The following EEF2K variants were observed in gnomAD, a reference collection of about 807,000 sequenced individuals.
The protein encoded by EEF2K is alternative protein EEF2K.
Under a neutral mutation model 93.8 loss-of-function variants are expected in EEF2K, and 70 were observed. The ratio of observed to expected loss-of-function variants is 0.75; its 90% CI spans 0.62 to 0.91. EEF2K has a LOEUF of 0.91. Among genes scored for constraint, EEF2K ranks in the 40% least tolerant of loss-of-function variants. The probability of loss-of-function intolerance (pLI) is 0.00; values close to 1 mark genes in which losing one functional copy is unlikely to be tolerated. For missense variants in EEF2K, 935 were observed against 972.9 expected, an observed-to-expected ratio of 0.96 and a Z score of 0.52; for synonymous variants, 376 against 380.8, an observed-to-expected ratio of 0.99 and a Z score of 0.15.
At position 22,285,695 on chromosome 16, in the gene EEF2K, C is replaced by T. The variant is rs996205662; in HGVS notation, c.*1699C>T. On this transcript the variant is annotated 3_prime_UTR_variant, in exon 18 of 18. Transcript: ENST00000263026. ...AAAAGACAGACTGCTTTGATCAACC[C>T]TAAATGCAAAAGCAGCCTATTTTTC... 2 of 152,546 alleles carry T rather than the reference C, an allele frequency of 1.3e-5. No homozygotes were observed. Among genetic ancestry groups the T allele is most frequent in the Non-Finnish European group, 2.9e-5 (2 of 68,044 alleles). 9.4% of individuals were successfully genotyped at this position (152,546 alleles called of 1,614,324 possible).
At chr16:22,238,453 A>G (rs1019811626) in intron 2 of EEF2K, among the ~76,000 whole-genome samples, 40 of 152,000 alleles carry the variant, frequency 2.6e-4, no homozygotes, top group African/African-American at 8.7e-4. Flanking sequence ...CACCCTGGAC[A>G]ACATAGAGAG....
chr16:22,246,386 G>A (rs2047291511), intron 3 of EEF2K, among the ~76,000 whole-genome samples: 1 of 151,586 alleles, frequency 6.6e-6, no homozygotes, highest in African/African-American at 2.4e-5. Context: ...GTGGTGGTAG[G>A]CGCCTGTAAT....
intron 17 of EEF2K, among the ~76,000 whole-genome samples, chr16:22,281,427 T>G (rs538951281): frequency 2.0e-5 from 3 of 152,030 alleles, no homozygotes; most frequent in African/African-American, 7.2e-5. Context: ...TTCTTTGTAG[T>G]GACAGAGTCT....
intron 1 of EEF2K, among the ~76,000 whole-genome samples, chr16:22,214,987 T>C (rs1211870037): frequency 6.6e-6 from 1 of 152,212 alleles, no homozygotes; most frequent in African/African-American, 2.4e-5. Context: ...TCTAGAGGTT[T>C]CCCATTGGTT....
intron 15 of EEF2K, among the ~76,000 whole-genome samples, chr16:22,270,170 G>A (rs901043302): frequency 1.1e-4 from 16 of 151,692 alleles, no homozygotes; most frequent in Non-Finnish European, 1.9e-4. Context: ...CCAGGCTGGA[G>A]TGTGATGGCA....
At position 22,237,867 on chromosome 16, in the gene EEF2K, TG is replaced by T. The variant is rs2141660539; in HGVS notation, c.247-6762del. 1.3e-5 allele frequency among the ~76,000 whole-genome samples: 2 copies of T among 152,334 alleles called. 1 individual carries two copies. The highest frequency in any genetic ancestry group is 3.9e-4 in the East Asian group (2 of 5,186). Reference sequence around the variant, plus strand: ...GCATATAAGTATACATTTGTGTGTATGTCTACAGACACACACATCCTTAGAA... The same window carrying T: ...GCATATAAGTATACATTTGTGTGTATTCTACAGACACACACATCCTTAGAA... On this transcript the variant is annotated intron_variant, in intron 2 of 17. Transcript: ENST00000263026.
At chr16:22,256,030 C>T (rs990025541) in intron 6 of EEF2K, among the ~76,000 whole-genome samples, 9 of 152,112 alleles carry the variant, frequency 5.9e-5, no homozygotes, top group South Asian at 4.2e-4. Flanking sequence ...ACTCCTGCCT[C>T]GACACCCTGA....
chr16:22,238,149 G>C (rs1013410623), intron 2 of EEF2K, among the ~76,000 whole-genome samples: 2 of 152,070 alleles, frequency 1.3e-5, no homozygotes, highest in Admixed American at 1.3e-4. Context: ...AATTAGCCGG[G>C]TGTGGTGGCA....
Position 22,251,285 on chromosome 16 carries a change from G to C in EEF2K, c.581G>C (p.Trp194Ser), listed in dbSNP as rs139820091. Reference sequence around the variant, plus strand: ...CGTCTACAGATGGAGGCCAAGCTCTGGGGGGAGGAGTATAATCGGCACAAG... The same window carrying C: ...CGTCTACAGATGGAGGCCAAGCTCTCGGGGGAGGAGTATAATCGGCACAAG... ...DVRLQMEAKL[W>S]GEEYNRHKPP... The change falls in exon 6 of 18, where the codon TGG (tryptophan) becomes TCG (serine). Residue 194 changes from tryptophan to serine, a missense_variant. By Grantham distance (177) the Trp-to-Ser change is radical. Transcript: ENST00000263026. The C allele has an allele frequency of 6.8e-5, 110 of 1,613,986 alleles. No homozygotes were observed. Among genetic ancestry groups the C allele is most frequent in the Non-Finnish European group, 8.7e-5 (103 of 1,180,010 alleles).
chr16:22,222,793 A>C (rs1333211936), intron 1 of EEF2K, among the ~76,000 whole-genome samples: 14 of 151,160 alleles, frequency 9.3e-5, no homozygotes, highest in Admixed American at 9.2e-4. Flanking sequence ...CTGAGGCAGG[A>C]GAATCACTTG....
intron 15 of EEF2K, among the ~76,000 whole-genome samples, chr16:22,270,914 ATATATATGTGTG>A (rs1299795430): frequency 2.0e-5 from 3 of 150,364 alleles, no homozygotes; most frequent in Admixed American, 1.3e-4. Flanking sequence ...CTCTCTCTCT[ATATATATGTGTG>A]TATATATGTG....
At chr16:22,282,907 C>A (rs2047709900) in intron 17 of EEF2K, among the ~76,000 whole-genome samples, 1 of 152,198 alleles carries the variant, frequency 6.6e-6, no homozygotes, top group Non-Finnish European at 1.5e-5. Context: ...GGGGACACAG[C>A]ATTCAGTCCC....
chr16:22,259,682 CAGAT>C (rs1011991427), intron 10 of EEF2K, among the ~76,000 whole-genome samples: 17 of 151,846 alleles, frequency 1.1e-4, no homozygotes, highest in African/African-American at 3.1e-4. Context: ...TAAAAACAGA[CAGAT>C]AGATTTGGCT....
At chr16:22,228,699 G>C (rs748601427) in intron 2 of EEF2K, among the ~76,000 whole-genome samples, 1 of 152,176 alleles carries the variant, frequency 6.6e-6, no homozygotes. Flanking sequence ...TATTTAACAC[G>C]TGACAATTCT....
chr16:22,275,002 A>T (rs1344933137), intron 16 of EEF2K, among the ~76,000 whole-genome samples: 1 of 152,236 alleles, frequency 6.6e-6, no homozygotes, highest in Admixed American at 6.5e-5. Context: ...GGCAGAGCCA[A>T]CTTACATCTT....
chr16:22,240,101 C>CAA (rs765234012), intron 2 of EEF2K, among the ~76,000 whole-genome samples: 23 of 58,172 alleles, frequency 4.0e-4, no homozygotes, highest in African/African-American at 1.2e-3. Flanking sequence ...GACTCCATCT[C>CAA]AAAAAAAAAA....
intron 1 of EEF2K, among the ~76,000 whole-genome samples, chr16:22,218,331 AGT>A (rs1257583873): frequency 1.3e-5 from 2 of 152,110 alleles, no homozygotes; most frequent in African/African-American, 2.4e-5. Flanking sequence ...GGCGTACACT[AGT>A]GTGTGCATTG....
chr16:22,214,398 C>T (rs746986967), intron 1 of EEF2K, among the ~76,000 whole-genome samples: 1 of 151,882 alleles, frequency 6.6e-6, no homozygotes, highest in African/African-American at 2.4e-5. Context: ...GCCATGATTG[C>T]ACCATTGCAC....
At chr16:22,222,543 A>G (rs926142800) in intron 1 of EEF2K, among the ~76,000 whole-genome samples, 12 of 151,616 alleles carry the variant, frequency 7.9e-5, no homozygotes, top group Admixed American at 7.9e-4. Flanking sequence ...TCTTGAGATA[A>G]AATTCACATA....
Sources: gnomAD v4.1 joint callset for allele counts (sites outside exome capture counted in the v4.1 genomes callset) on GRCh38, gnomAD v4.1.1 for gene constraint, MANE v1.5 for transcripts, NCBI Gene and HGNC (gene_info 2026-07-23, HGNC 2026-07-21) for gene names.